The following VAC14 variants were observed in gnomAD, a reference collection of about 807,000 sequenced individuals.
The protein encoded by VAC14 is VAC14 component of PIKFYVE complex.
In VAC14, 47 loss-of-function variants were observed where a neutral mutation model predicts 85.3. That is an observed-to-expected ratio of 0.55 (90% CI 0.44 to 0.70). VAC14 has a LOEUF of 0.70. Ranked by LOEUF, VAC14 falls within the 30% of genes least tolerant of loss-of-function variation. VAC14 has a pLI of 0.00. For missense variants in VAC14, 861 were observed against 1,004.3 expected, an observed-to-expected ratio of 0.86 and a Z score of 1.93; for synonymous variants, 447 against 430.5, an observed-to-expected ratio of 1.04 and a Z score of -0.47.
At chr16:70,751,816 A>G (rs1290393814) in intron 12 of VAC14, among the ~76,000 whole-genome samples, 1 of 152,250 alleles carries the variant, frequency 6.6e-6, no homozygotes, top group Non-Finnish European at 1.5e-5. Context: ...CGCCCTGGAC[A>G]CAAAGTAAAC....
At chr16:70,789,576 C>T (rs546520426) in intron 1 of VAC14, among the ~76,000 whole-genome samples, 2 of 152,350 alleles carry the variant, frequency 1.3e-5, no homozygotes, top group South Asian at 2.1e-4. Flanking sequence ...CCGGCCAATG[C>T]AGCAGCAGAC....
At chr16:70,715,978 C>G (rs1029095528) in intron 14 of VAC14, 41 of 152,256 alleles carry the variant, frequency 2.7e-4, no homozygotes, top group African/African-American at 9.2e-4. Context: ...ACATTTCAGG[C>G]AGCCTTTAAA....
At chr16:70,773,932 ATT>A (rs766074278) in intron 9 of VAC14, among the ~76,000 whole-genome samples, 5 of 142,952 alleles carry the variant, frequency 3.5e-5, no homozygotes, top group African/African-American at 7.7e-5. Context: ...AGCCCGGATA[ATT>A]TTTTTTTTTT....
intron 14 of VAC14, among the ~76,000 whole-genome samples, chr16:70,703,758 G>A (rs2053872644): frequency 6.6e-6 from 1 of 152,192 alleles, no homozygotes; most frequent in Admixed American, 6.5e-5. Context: ...GCTCTCAAAA[G>A]AGCAACCTGC....
chr16:70,792,406 T>C (rs1258549345), intron 1 of VAC14, among the ~76,000 whole-genome samples: 1 of 152,162 alleles, frequency 6.6e-6, no homozygotes, highest in Non-Finnish European at 1.5e-5. Context: ...TTCACTAATG[T>C]GAAGGGCATG....
In VAC14 at chr16:70,784,178, T is replaced by C. The variant is rs1298716612; in HGVS notation, c.529A>G (p.Ile177Val). 1.9e-6 allele frequency: 3 copies of C among 1,614,070 alleles called. No homozygotes were observed. Among genetic ancestry groups the C allele is most frequent in the Non-Finnish European group, 2.5e-6 (3 of 1,180,038 alleles). The change falls in exon 5 of 19, where the codon ATC (isoleucine) becomes GTC (valine). Residue 177 changes from isoleucine to valine, a missense_variant. By Grantham distance (29) the Ile-to-Val change is conservative. Coordinates refer to ENST00000261776, the MANE Select transcript of VAC14 (RefSeq NM_018052.5). The stretch of plus-strand genomic sequence containing the variant: ...TAAATCCTCTCTCGCAACAAGGGGA[T>C]GAAGCTCACCAGGTCAAACTTGTTG... ...ESNKFDLVSFIPLLRERIYSN... is the reference protein window; with the variant it reads ...ESNKFDLVSFVPLLRERIYSN...
chr16:70,783,488 G>C lies in VAC14; in HGVS notation c.661C>G (p.Leu221Val). The C allele has an allele frequency of 6.2e-7, 1 of 1,614,102 alleles. No individual in the cohort carries two copies. Among genetic ancestry groups the C allele is most frequent in the East Asian group, 2.2e-5 (1 of 44,890 alleles). The change falls in exon 6 of 19, where the codon CTC becomes GTC. Residue 221 changes from leucine to valine, a missense_variant. Transcript: ENST00000261776. ...LDYLPEILDG[L>V]FQILGDNGKE... The stretch of plus-strand genomic sequence containing the variant: ...CCATTGTCACCCAGGATCTGGAAGA[G>C]TCCATCCAGGATCTCCGGCAGGTAA...
chr16:70,762,707 C>T lies in VAC14; in HGVS notation c.1306-102G>A, dbSNP rs546207550. On this transcript the variant is annotated intron_variant, in intron 11 of 18. Transcript: ENST00000261776. This position sits in a 1 kb window ranked among gnomAD's most constrained non-coding sequence, Gnocchi z 4.1. ...GTGTGCACGGACCCACTGGTCTGCA[C>T]GGACCACTTCCCTCCCCGACACAAT... is the stretch of plus-strand genomic sequence containing the variant. 60 of 1,489,838 alleles carry T rather than the reference C, an allele frequency of 4.0e-5. No individual in the cohort carries two copies. The East Asian group carries it at 4.7e-4, about 12-fold the overall frequency. 92.3% of individuals were successfully genotyped at this position (1,489,838 alleles called of 1,614,324 possible).
At chr16:70,724,887 C>G (rs967735823) in intron 14 of VAC14, among the ~76,000 whole-genome samples, 1 of 152,252 alleles carries the variant, frequency 6.6e-6, no homozygotes, top group South Asian at 2.1e-4. Context: ...GATACGGCTA[C>G]GGACTTATGA....
intron 12 of VAC14, among the ~76,000 whole-genome samples, chr16:70,748,640 A>G (rs960075502): frequency 2.6e-5 from 4 of 152,220 alleles, no homozygotes; most frequent in Non-Finnish European, 4.4e-5. Context: ...AGGCAGGGCC[A>G]GATCTTCAAG....
At chr16:70,771,650 G>C (rs2033230196) in intron 10 of VAC14, 1 of 154,686 alleles carries the variant, frequency 6.5e-6, no homozygotes, top group South Asian at 1.9e-4. Flanking sequence ...GCAGTGGTGT[G>C]ATCTCAGCTC....
chr16:70,789,082 A>T, intron 1 of VAC14, among the ~76,000 whole-genome samples: 1 of 152,310 alleles, frequency 6.6e-6, no homozygotes, highest in South Asian at 2.1e-4. Context: ...TTAACACAAG[A>T]CTAAACGCAG....
chr16:70,756,916 A>G (rs368086797), intron 12 of VAC14, among the ~76,000 whole-genome samples: 31 of 152,298 alleles, frequency 2.0e-4, no homozygotes, highest in African/African-American at 4.8e-4. Context: ...GTGGGTTCCC[A>G]AACTAGAAAC....
In VAC14 at chr16:70,772,185, G is replaced by A. The variant is rs2033271197; in HGVS notation, c.1097-13C>T. The A allele has an allele frequency of 6.2e-7, 1 of 1,613,456 alleles. No homozygotes were observed. Among genetic ancestry groups the A allele is most frequent in the African/African-American group, 1.3e-5 (1 of 75,052 alleles). On this transcript the variant is annotated splice_polypyrimidine_tract_variant and intron_variant, in intron 9 of 18. Transcript: ENST00000261776. ...CCATCTGGACCTCCTGGGAGAGGAA[G>A]AGGAACAAGGGGTCATGAAAGGCTG...
Position 70,783,081 on chromosome 16 carries a change from T to C in VAC14, c.763A>G (p.Lys255Glu). 2 of 1,614,178 alleles carry C rather than the reference T, an allele frequency of 1.2e-6. No individual in the cohort carries two copies. Among genetic ancestry groups the C allele is most frequent in the African/African-American group, 1.3e-5 (1 of 75,048 alleles). ...KEIKKNPSSV[K>E]FAEMANILVI... ...AGGATGTTGGCCATCTCAGCAAACT[T>C]CACACTGGAGGGGTTCTTCTTAATT... is the stretch of plus-strand genomic sequence containing the variant. Residue 255 changes from lysine to glutamate, a missense_variant, in exon 7 of 19, where the codon AAG (lysine) becomes GAG (glutamate). This residue lies in a region of VAC14 where 629 missense variants were observed against 703.1 expected (regional missense o/e 0.89). Transcript: ENST00000261776.
chr16:70,687,942 T>G lies in VAC14; in HGVS notation c.2335A>C (p.Arg779=). The part of the protein sequence containing the change: ...RSGRGDHLDR[R]VVL The stretch of plus-strand genomic sequence containing the variant: ...TGCCAGGCCTGTCAGAGGACAACCC[T>G]CCGGTCCAGGTGGTCCCCACGCCCG... The change falls in exon 19 of 19, where the codon AGG becomes CGG. Residue 779 remains arginine (R), a synonymous_variant. Coordinates refer to ENST00000261776, the MANE Select transcript of VAC14 (RefSeq NM_018052.5). 6.4e-7 allele frequency: 1 copy of G among 1,562,462 alleles called. No homozygotes were observed. The highest frequency in any genetic ancestry group is 1.4e-5 in the African/African-American group (1 of 73,050).
chr16:70,763,009 C>T lies in VAC14; in HGVS notation c.1177G>A (p.Val393Met). The T allele has an allele frequency of 1.2e-6, 2 of 1,614,210 alleles. No homozygotes were observed. The highest frequency in any genetic ancestry group is 1.7e-6 in the Non-Finnish European group (2 of 1,180,036). Residue 393 changes from valine (V) to methionine (M), a missense_variant, in exon 11 of 19, where the codon GTG becomes ATG. By Grantham distance (21) the Val-to-Met change is conservative. Around this residue, in one of 3 missense-constraint regions of VAC14, gnomAD observed 629 missense variants for 703.1 expected, o/e 0.89. Coordinates refer to ENST00000261776, the MANE Select transcript of VAC14 (RefSeq NM_018052.5). ...FTAASTERAPVTLHLDGIVQV... is the reference protein window; with the variant it reads ...FTAASTERAPMTLHLDGIVQV... ...ACGATCCCGTCGAGGTGAAGGGTCA[C>T]TGGGGCTCTTTCAGTGCTGTGGGTA...
chr16:70,723,331 T>A (rs578006796), intron 14 of VAC14, among the ~76,000 whole-genome samples: 20 of 152,168 alleles, frequency 1.3e-4, no homozygotes, highest in African/African-American at 4.6e-4. Flanking sequence ...TAGTCCCAGC[T>A]ACTTGAGAGG....
At chr16:70,727,077 G>A (rs1034350027) in intron 14 of VAC14, among the ~76,000 whole-genome samples, 2 of 152,186 alleles carry the variant, frequency 1.3e-5, no homozygotes, top group Non-Finnish European at 2.9e-5. Flanking sequence ...AAGAACTCCC[G>A]ATGCCTCTGT....
Sources: gnomAD v4.1 joint callset for allele counts (sites outside exome capture counted in the v4.1 genomes callset) on GRCh38, gnomAD v4.1.1 for gene constraint, gnomAD v4.1.1 regional missense constraint, Gnocchi (gnomAD v3.1) non-coding constraint, MANE v1.5 for transcripts, NCBI Gene and HGNC (gene_info 2026-07-23, HGNC 2026-07-21) for gene names.